Variants in CAMK2D observed in about 807,000 individuals in gnomAD.
The protein encoded by CAMK2D is calcium/calmodulin-dependent protein kinase type II subunit delta.
In CAMK2D, 37 loss-of-function variants were observed where a neutral mutation model predicts 84.0. The observed-to-expected ratio is 0.44, with a 90% CI of 0.34 to 0.58. The LOEUF (loss-of-function observed/expected upper bound fraction) is 0.58. CAMK2D is among the 20% of genes least tolerant of loss of function. The pLI is 0.02. For synonymous variants in CAMK2D, 202 were observed against 212.5 expected (o/e 0.95, Z 0.43); for missense variants, 448 against 652.5 (o/e 0.69, Z 3.41).
chr4:113,530,039 G>A (rs1050061436), intron 8 of CAMK2D, among the ~76,000 whole-genome samples: 1 of 152,230 alleles, frequency 6.6e-6, no homozygotes, highest in Admixed American at 6.5e-5. Flanking sequence ...AGCTGTCCAT[G>A]TAATCTTGCT....
intron 3 of CAMK2D, among the ~76,000 whole-genome samples, chr4:113,611,960 T>C (rs1156284357): frequency 6.6e-6 from 1 of 152,190 alleles, no homozygotes; most frequent in African/African-American, 2.4e-5. Flanking sequence ...TTGGGATTAA[T>C]ATATACATAT....
intron 16 of CAMK2D, among the ~76,000 whole-genome samples, chr4:113,477,406 C>G (rs924551773): frequency 2.6e-5 from 4 of 152,286 alleles, no homozygotes; most frequent in Non-Finnish European, 4.4e-5. Context: ...ATATTTGCCT[C>G]TAAATTCAGC....
intron 4 of CAMK2D, among the ~76,000 whole-genome samples, chr4:113,565,741 C>T (rs1458554470): frequency 2.0e-5 from 3 of 151,684 alleles, no homozygotes; most frequent in South Asian, 2.1e-4. Context: ...ATCTTTGCCA[C>T]CCAGATGACA....
rs1474316031 is a variant in CAMK2D at position 113,456,273 on chromosome 4, A to C, written c.1536-452T>G. On this transcript the variant is annotated intron_variant, in intron 19 of 20. Transcript: ENST00000511664. Reference sequence around the variant, plus strand: ...GCTGTTTGTATGAACCCCCATTCCAAATCTCAAATATTAACAGGTGATCCT... The same window carrying C: ...GCTGTTTGTATGAACCCCCATTCCACATCTCAAATATTAACAGGTGATCCT... Among the ~76,000 whole-genome samples, 4 of 152,304 alleles carry C rather than the reference A, an allele frequency of 2.6e-5. No homozygotes were observed. In the East Asian group the frequency reaches 5.8e-4, roughly 22 times the overall value.
chr4:113,487,725 A>G lies in CAMK2D; in HGVS notation c.1135+12738T>C, dbSNP rs183934657. Among the ~76,000 whole-genome samples, 159 of 152,164 alleles carry G rather than the reference A, an allele frequency of 1.0e-3. 1 individual carries two copies. The highest frequency in any genetic ancestry group is 3.5e-3 in the African/African-American group (147 of 41,568). ...AACACCATTTTTTCCCAGTTTTAAT[A>G]AGATTTCCTAAAACTGTAGCAGTGT... On this transcript the variant is annotated intron_variant, in intron 16 of 20. Coordinates refer to ENST00000511664, the MANE Select transcript of CAMK2D (RefSeq NM_001321571.2).
chr4:113,464,994 A>G (rs1478783972), intron 17 of CAMK2D, among the ~76,000 whole-genome samples: 4 of 152,102 alleles, frequency 2.6e-5, no homozygotes, highest in East Asian at 3.8e-4. Flanking sequence ...GAAATCTCCA[A>G]TCGTTGGATC....
chr4:113,660,928 T>A (rs2099228171), intron 3 of CAMK2D, among the ~76,000 whole-genome samples: 1 of 151,852 alleles, frequency 6.6e-6, no homozygotes, highest in Non-Finnish European at 1.5e-5. Flanking sequence ...CCCGAGTAGC[T>A]GGGACTACAG....
chr4:113,681,537 G>A (rs192040986), intron 2 of CAMK2D, among the ~76,000 whole-genome samples: 2 of 152,206 alleles, frequency 1.3e-5, no homozygotes, highest in East Asian at 3.9e-4. Flanking sequence ...GTTCTTAATA[G>A]CACCATGAAA....
chr4:113,667,764 T>C (rs1388650122), intron 2 of CAMK2D, among the ~76,000 whole-genome samples: 1 of 152,186 alleles, frequency 6.6e-6, no homozygotes, highest in East Asian at 1.9e-4. Context: ...CTATGCTATG[T>C]CATTGTGTCA....
At chr4:113,571,818 T>C (rs1228486717) in intron 4 of CAMK2D, among the ~76,000 whole-genome samples, 1 of 152,232 alleles carries the variant, frequency 6.6e-6, no homozygotes, top group Non-Finnish European at 1.5e-5. Context: ...GGAGTCTAGT[T>C]ATCTATCTGT....
chr4:113,509,533 C>A, intron 13 of CAMK2D, 105 bp downstream of exon 13: 3 of 731,568 alleles, frequency 4.1e-6, no homozygotes, highest in Admixed American at 2.4e-5. Flanking sequence ...TTATCAGAAA[C>A]AATAAAAAAT....
rs538145382 is a variant in CAMK2D, at chr4:113,561,303, G to A, written c.276-9207C>T. Among the ~76,000 whole-genome samples the A allele has an allele frequency of 4.6e-5, 7 of 152,200 alleles. No individual in the cohort carries two copies. The South Asian group carries it at 1.2e-3, about 27-fold the overall frequency. On this transcript the variant is annotated intron_variant, in intron 4 of 20. Coordinates refer to ENST00000511664, the MANE Select transcript of CAMK2D (RefSeq NM_001321571.2). ...AGTCTGGGCAACATAGTGAGACCCC[G>A]TATCTATAAAAAATTTAAAAATTAG...
chr4:113,686,463 T>C (rs549529349), intron 2 of CAMK2D, among the ~76,000 whole-genome samples: 1 of 152,240 alleles, frequency 6.6e-6, no homozygotes, highest in Admixed American at 6.5e-5. Flanking sequence ...TCTCAAAATC[T>C]TAAGTAAGGT....
At chr4:113,703,359 T>C (rs2099428788) in intron 2 of CAMK2D, among the ~76,000 whole-genome samples, 1 of 152,226 alleles carries the variant, frequency 6.6e-6, no homozygotes, top group Admixed American at 6.5e-5. Context: ...CTTGCTCTGA[T>C]GTCCAGGCTG....
chr4:113,683,217 C>T (rs922368386), intron 2 of CAMK2D, among the ~76,000 whole-genome samples: 6 of 152,158 alleles, frequency 3.9e-5, no homozygotes, highest in Admixed American at 2.0e-4. Context: ...TTTTTCCCCA[C>T]CCACCTCCTA....
intron 2 of CAMK2D, among the ~76,000 whole-genome samples, chr4:113,676,094 T>C (rs72895912): frequency 0.071 from 10,834 of 152,236 alleles, 489 homozygotes; most frequent in African/African-American, 0.13. Flanking sequence ...GCACACTAAG[T>C]GGTTCTCTTT....
chr4:113,621,896 G>A (rs939570354), intron 3 of CAMK2D, among the ~76,000 whole-genome samples: 40 of 152,162 alleles, frequency 2.6e-4, no homozygotes, highest in Admixed American at 7.9e-4. Flanking sequence ...ATATAACTAT[G>A]TGGCAAACAA....
intron 7 of CAMK2D, among the ~76,000 whole-genome samples, chr4:113,532,111 T>C (rs945397607): frequency 1.3e-5 from 2 of 152,180 alleles, no homozygotes; most frequent in Non-Finnish European, 2.9e-5. Flanking sequence ...TGTATACTTA[T>C]TGAAATGCAA....
intron 7 of CAMK2D, 66 bp from the exon 8 acceptor site, chr4:113,531,365 G>T: frequency 1.2e-6 from 1 of 839,576 alleles, no homozygotes. Flanking sequence ...GGGAAACTAA[G>T]AAAGAAAAAT....
Sources: allele counts gnomAD v4.1 joint callset (sites outside exome capture counted in the v4.1 genomes callset), GRCh38; gene constraint gnomAD v4.1.1; transcripts MANE v1.5; gene names NCBI Gene and HGNC (gene_info 2026-07-23, HGNC 2026-07-21).